The following BORCS5 variants were observed in gnomAD, a reference collection of about 807,000 sequenced individuals.
The protein encoded by BORCS5 is BLOC-1-related complex subunit 5.
In BORCS5, 17 loss-of-function variants were observed where a neutral mutation model predicts 22.1. The observed-to-expected ratio is 0.77, with a 90% CI of 0.53 to 1.15. The LOEUF (loss-of-function observed/expected upper bound fraction) is 1.15. Among genes scored for constraint, BORCS5 ranks in the 50% most tolerant of loss-of-function variants. The pLI, the probability that BORCS5 is intolerant of heterozygous loss-of-function variation, is 0.00. For missense variants in BORCS5, 247 were observed against 253.2 expected, an observed-to-expected ratio of 0.98 and a Z score of 0.17; for synonymous variants, 117 against 99.8, an observed-to-expected ratio of 1.17 and a Z score of -1.03.
intron 2 of BORCS5, among the ~76,000 whole-genome samples, chr12:12,411,938 A>G (rs1411008667): frequency 6.6e-6 from 1 of 152,046 alleles, no homozygotes; most frequent in Non-Finnish European, 1.5e-5. Context: ...ATATGACTTT[A>G]TATGTGAGGG....
intron 3 of BORCS5, 62 bp from the exon 4 acceptor site, chr12:12,465,484 C>A: frequency 1.4e-6 from 2 of 1,442,820 alleles, no homozygotes; most frequent in South Asian, 2.4e-5. Flanking sequence ...GGCTGGACAC[C>A]CGGCCCTGCG....
At chr12:12,425,448 T>G (rs1046855386) in intron 2 of BORCS5, among the ~76,000 whole-genome samples, 4 of 152,188 alleles carry the variant, frequency 2.6e-5, no homozygotes, top group African/African-American at 9.7e-5. Flanking sequence ...GTGCACCATT[T>G]TACATTGTCA....
chr12:12,418,103 A>G (rs1942017570), intron 2 of BORCS5, among the ~76,000 whole-genome samples: 1 of 151,282 alleles, frequency 6.6e-6, no homozygotes, highest in African/African-American at 2.4e-5. Flanking sequence ...AGCTCACTGC[A>G]AGGTCTGCCT....
At position 12,470,475 on chromosome 12, in the gene BORCS5, A is replaced by G. The variant is rs1036524304; in HGVS notation, c.*4699A>G. Among the ~76,000 whole-genome samples, 68 of 152,082 alleles carry G rather than the reference A, an allele frequency of 4.5e-4. 1 individual carries two copies. Among genetic ancestry groups the G allele is most frequent in the Admixed American group, 3.3e-4 (5 of 15,274 alleles). On this transcript the variant is annotated 3_prime_UTR_variant, in exon 4 of 4. Coordinates refer to ENST00000314565, the MANE Select transcript of BORCS5 (RefSeq NM_058169.6). Reference sequence around the variant, plus strand: ...AGACTCCCCTAAGAGCGTGAACCCTATTGTGAACTGCGCACGTGAAGGATC... The same window carrying G: ...AGACTCCCCTAAGAGCGTGAACCCTGTTGTGAACTGCGCACGTGAAGGATC...
intron 3 of BORCS5, among the ~76,000 whole-genome samples, chr12:12,454,628 A>G (rs981170847): frequency 1.3e-5 from 2 of 152,210 alleles, no homozygotes; most frequent in Admixed American, 6.5e-5. Flanking sequence ...TTGAAGCTTT[A>G]TATAAAATAT....
chr12:12,370,799 A>G (rs1475105966), intron 2 of BORCS5, among the ~76,000 whole-genome samples: 1 of 151,528 alleles, frequency 6.6e-6, no homozygotes, highest in South Asian at 2.1e-4. Context: ...CCCAGGCTGG[A>G]GTGCAGTGGT....
intron 2 of BORCS5, among the ~76,000 whole-genome samples, chr12:12,380,275 A>T (rs1863748643): frequency 6.9e-6 from 1 of 145,478 alleles, no homozygotes; most frequent in Non-Finnish European, 1.5e-5. Flanking sequence ...CCCTGCCACA[A>T]ATCTTCAATT....
chr12:12,386,717 G>A (rs1259262132), intron 2 of BORCS5, among the ~76,000 whole-genome samples: 2 of 150,534 alleles, frequency 1.3e-5, no homozygotes, highest in African/African-American at 4.9e-5. Context: ...TGATCCACCT[G>A]CCTCGGCCTC....
chr12:12,434,994 T>C (rs1272152942), intron 2 of BORCS5, among the ~76,000 whole-genome samples: 3 of 152,214 alleles, frequency 2.0e-5, no homozygotes, highest in Non-Finnish European at 2.9e-5. Context: ...GCTACATACC[T>C]ATAAAAATAT....
chr12:12,421,217 A>G (rs1036833115), intron 2 of BORCS5, among the ~76,000 whole-genome samples: 4 of 152,164 alleles, frequency 2.6e-5, no homozygotes, highest in Admixed American at 6.5e-5. Flanking sequence ...ATTTTGAGAT[A>G]CGTTCCATCA....
chr12:12,403,368 CTGT>C (rs1344578927), intron 2 of BORCS5, among the ~76,000 whole-genome samples: 2 of 152,120 alleles, frequency 1.3e-5, no homozygotes, highest in African/African-American at 4.8e-5. Context: ...TGTTAGAGGT[CTGT>C]TGCTTCTGCT....
rs1360760476 is a variant in BORCS5 at position 12,465,646 on chromosome 12, C to T, written c.461C>T (p.Ala154Val). The change falls in exon 4 of 4, where the codon GCC becomes GTC. Residue 154 changes from alanine (A) to valine (V), a missense_variant. Ala to Val is a moderately conservative substitution (Grantham distance 64). Coordinates refer to ENST00000314565, the MANE Select transcript of BORCS5 (RefSeq NM_058169.6). Reference sequence around the variant, plus strand: ...ATCCAGAAAGTGAACGAGATGTCCGCCATCCTCCGCCGCATACAGATGGGC... The same window carrying T: ...ATCCAGAAAGTGAACGAGATGTCCGTCATCCTCCGCCGCATACAGATGGGC... ...EQIQKVNEMS[A>V]ILRRIQMGID... The T allele has an allele frequency of 2.5e-6, 4 of 1,614,262 alleles. No homozygotes were observed. The highest frequency in any genetic ancestry group is 3.4e-6 in the Non-Finnish European group (4 of 1,180,044).
chr12:12,370,877 T>A (rs1863511939), intron 2 of BORCS5, among the ~76,000 whole-genome samples: 1 of 151,720 alleles, frequency 6.6e-6, no homozygotes, highest in South Asian at 2.1e-4. Flanking sequence ...GCCTGCCGAG[T>A]AGCTGGGACT....
chr12:12,387,544 A>G (rs991029623), intron 2 of BORCS5, among the ~76,000 whole-genome samples: 2 of 151,504 alleles, frequency 1.3e-5, no homozygotes, highest in Admixed American at 6.6e-5. Flanking sequence ...AAACCTAAAT[A>G]TACTCCATTT....
intron 2 of BORCS5, among the ~76,000 whole-genome samples, chr12:12,395,336 C>T (rs533846105): frequency 6.6e-6 from 1 of 151,692 alleles, no homozygotes; most frequent in African/African-American, 2.4e-5. Flanking sequence ...GTGGTGTGAT[C>T]TCTGCCACTG....
intron 2 of BORCS5, among the ~76,000 whole-genome samples, chr12:12,433,140 C>G (rs1246823183): frequency 1.3e-5 from 2 of 151,838 alleles, no homozygotes; most frequent in Non-Finnish European, 2.9e-5. Context: ...TTGAGATCAG[C>G]CTGGCCAACA....
At chr12:12,430,782 T>C (rs777688588) in intron 2 of BORCS5, among the ~76,000 whole-genome samples, 4 of 152,232 alleles carry the variant, frequency 2.6e-5, no homozygotes, top group African/African-American at 7.2e-5. Context: ...TCTGAACATA[T>C]ACTCTTGTTT....
chr12:12,361,360 G>T lies in BORCS5; in HGVS notation c.202+11G>T. The T allele has an allele frequency of 6.2e-7, 1 of 1,611,738 alleles. No homozygotes were observed. The highest frequency in any genetic ancestry group is 8.5e-7 in the Non-Finnish European group (1 of 1,178,002). The stretch of plus-strand genomic sequence containing the variant: ...AGCCCCTTTTGAAAGGTAAAGGATT[G>T]CGTTTTGTTTTATCTGAACTTGCTG... On this transcript the variant is annotated intron_variant, in intron 2 of 3. Transcript: ENST00000314565.
intron 2 of BORCS5, among the ~76,000 whole-genome samples, chr12:12,420,282 G>T (rs1454831818): frequency 6.6e-6 from 1 of 152,020 alleles, no homozygotes; most frequent in East Asian, 1.9e-4. Context: ...AGTTTTCCCA[G>T]CACTATTTAT....
Sources: gnomAD v4.1 joint callset for allele counts (sites outside exome capture counted in the v4.1 genomes callset) on GRCh38, gnomAD v4.1.1 for gene constraint, MANE v1.5 for transcripts, NCBI Gene and HGNC (gene_info 2026-07-23, HGNC 2026-07-21) for gene names.